Variants in PHLDB2 observed in about 807,000 individuals in gnomAD.
PHLDB2 encodes the protein pleckstrin homology like domain family B member 2, also known as pleckstrin homology-like domain family B member 2.
Under a neutral mutation model 123.6 loss-of-function variants are expected in PHLDB2, and 71 were observed. That is an observed-to-expected ratio of 0.57 (90% CI 0.47 to 0.70). The LOEUF is 0.70. Among genes scored for constraint, PHLDB2 ranks in the 30% least tolerant of loss-of-function variants. PHLDB2 has a pLI of 0.00. For missense variants in PHLDB2, 1,446 were observed against 1,519.5 expected, an observed-to-expected ratio of 0.95 and a Z score of 0.80; for synonymous variants, 547 against 541.6, an observed-to-expected ratio of 1.01 and a Z score of -0.14.
chr3:111,753,352 G>A (rs1228994071), intron 1 of PHLDB2, among the ~76,000 whole-genome samples: 1 of 150,688 alleles, frequency 6.6e-6, no homozygotes, highest in South Asian at 2.1e-4. Context: ...TAACTGGTGT[G>A]AGATGGTATC....
At chr3:111,912,986 C>T (rs952472533) in intron 2 of PHLDB2, among the ~76,000 whole-genome samples, 1 of 152,122 alleles carries the variant, frequency 6.6e-6, no homozygotes, top group African/African-American at 2.4e-5. Context: ...TCTCCCTAAC[C>T]CCACCCTTCA....
chr3:111,757,405 A>T (rs1216939560), intron 1 of PHLDB2, among the ~76,000 whole-genome samples: 1 of 151,134 alleles, frequency 6.6e-6, no homozygotes, highest in Non-Finnish European at 1.5e-5. Context: ...CATTTCATGA[A>T]TGGAGCTTTC....
At chr3:111,953,735 T>C in intron 11 of PHLDB2, 195 bp from the exon 12 acceptor site, 2 of 464,536 alleles carry the variant, frequency 4.3e-6, no homozygotes, top group East Asian at 3.5e-5. Flanking sequence ...TGCTTTGATA[T>C]TGCGACTACC....
chr3:111,825,101 G>C (rs1423970232), intron 1 of PHLDB2, among the ~76,000 whole-genome samples: 1 of 152,092 alleles, frequency 6.6e-6, no homozygotes, highest in Non-Finnish European at 1.5e-5. Context: ...CCATTTACAG[G>C]TAAGAAGACA....
intron 1 of PHLDB2, among the ~76,000 whole-genome samples, chr3:111,805,352 A>T (rs1168413323): frequency 6.6e-6 from 1 of 152,020 alleles, no homozygotes; most frequent in East Asian, 1.9e-4. Context: ...CGAGGTCAGG[A>T]GCTCGAGACC....
intron 3 of PHLDB2, chr3:111,915,098 C>T (rs1200964875): frequency 6.6e-6 from 1 of 152,082 alleles, no homozygotes. Context: ...GGTAGATTTA[C>T]TTATTTAGGA....
intron 1 of PHLDB2, among the ~76,000 whole-genome samples, chr3:111,792,516 G>A (rs578165156): frequency 1.3e-5 from 2 of 152,072 alleles, no homozygotes; most frequent in Admixed American, 1.3e-4. Context: ...GACCAGCCTG[G>A]GCAACATAAG....
chr3:111,798,292 C>T (rs535326759), intron 1 of PHLDB2, among the ~76,000 whole-genome samples: 1 of 152,080 alleles, frequency 6.6e-6, no homozygotes, highest in South Asian at 2.1e-4. Context: ...TGAGAGTGCT[C>T]TAATTTTTCA....
intron 2 of PHLDB2, among the ~76,000 whole-genome samples, chr3:111,898,182 T>TGTTTGTGTGTGTGTG (rs1553747095): frequency 1.8e-4 from 25 of 142,658 alleles, no homozygotes; most frequent in African/African-American, 5.9e-4. Flanking sequence ...GTGTGTGTGT[T>TGTTTGTGTGTGTGTG]TGTGTGTGTG....
At chr3:111,840,949 T>C (rs2063664793) in intron 1 of PHLDB2, among the ~76,000 whole-genome samples, 3 of 152,216 alleles carry the variant, frequency 2.0e-5, no homozygotes, top group Non-Finnish European at 2.9e-5. Flanking sequence ...AGCAGGCAGA[T>C]AGTCCCCAAT....
intron 1 of PHLDB2, among the ~76,000 whole-genome samples, chr3:111,878,932 T>A (rs2065797247): frequency 6.6e-6 from 1 of 152,224 alleles, no homozygotes; most frequent in Admixed American, 6.5e-5. Flanking sequence ...AGCTTTTTGA[T>A]GTGCTGCTGG....
intron 1 of PHLDB2, among the ~76,000 whole-genome samples, chr3:111,818,165 GGTGTGTGT>G (rs5851789): frequency 3.4e-5 from 5 of 147,598 alleles, no homozygotes; most frequent in African/African-American, 5.0e-5. Context: ...TTAAAAAACT[GGTGTGTGT>G]GTGTGTGTGT....
chr3:111,899,371 T>C (rs1009945704), intron 2 of PHLDB2, among the ~76,000 whole-genome samples: 1 of 152,186 alleles, frequency 6.6e-6, no homozygotes, highest in Non-Finnish European at 1.5e-5. Flanking sequence ...TATCAACCCA[T>C]CACCTAGGTA....
intron 1 of PHLDB2, among the ~76,000 whole-genome samples, chr3:111,877,059 AT>A (rs1449941561): frequency 6.6e-6 from 1 of 152,178 alleles, no homozygotes; most frequent in African/African-American, 2.4e-5. Flanking sequence ...TAGTAGAATG[AT>A]TTATAATCCT....
chr3:111,867,571 GTAAA>G (rs1408356271), intron 1 of PHLDB2, among the ~76,000 whole-genome samples: 1 of 151,760 alleles, frequency 6.6e-6, no homozygotes, highest in Non-Finnish European at 1.5e-5. Context: ...TATTTCATTC[GTAAA>G]TAATTTACAA....
chr3:111,790,120 G>A (rs1053426691), intron 1 of PHLDB2, among the ~76,000 whole-genome samples: 1 of 152,190 alleles, frequency 6.6e-6, no homozygotes, highest in African/African-American at 2.4e-5. Context: ...ACTAGGAAGT[G>A]GAGGCCTAGC....
Position 111,940,535 on chromosome 3 carries a change from G to A in PHLDB2, c.2287G>A (p.Glu763Lys), listed in dbSNP as rs1172554669. The A allele has an allele frequency of 6.3e-7, 1 of 1,584,452 alleles. No homozygotes were observed. The highest frequency in any genetic ancestry group is 1.4e-5 in the African/African-American group (1 of 73,818). ...CCTATGATCATCTCTTTTCCTCCAG[G>A]AAAAAATTTCTGCATTGAAAAAGCA... Reference protein sequence around the residue: ...EYQRNIVSRKEKISALKKQAN... With the variant: ...EYQRNIVSRKKKISALKKQAN... Residue 763 changes from glutamate (E) to lysine (K), a missense_variant and splice_region_variant, in exon 8 of 18, where the codon GAA becomes AAA. Physicochemically the swap from Glu to Lys is moderately conservative, Grantham distance 56. This residue lies in a region of PHLDB2 where 594 missense variants were observed against 646.0 expected (regional missense o/e 0.92). Coordinates refer to ENST00000431670, the MANE Select transcript of PHLDB2 (RefSeq NM_001134438.2).
chr3:111,805,795 A>G (rs4682316), intron 1 of PHLDB2, among the ~76,000 whole-genome samples: 144,764 of 144,948 alleles, frequency 1, 72,301 homozygotes, highest in Non-Finnish European at 1. Context: ...AAATTTTGGG[A>G]TGATGGAAAT....
chr3:111,923,512 A>G (rs946861802), intron 5 of PHLDB2, among the ~76,000 whole-genome samples: 3 of 152,178 alleles, frequency 2.0e-5, no homozygotes, highest in East Asian at 3.8e-4. Flanking sequence ...TCTAGTTCAT[A>G]ACCCTTTTTG....
Sources: allele counts gnomAD v4.1 joint callset (sites outside exome capture counted in the v4.1 genomes callset), GRCh38; gene constraint gnomAD v4.1.1; regional missense constraint gnomAD v4.1.1; transcripts MANE v1.5; gene names NCBI Gene and HGNC (gene_info 2026-07-23, HGNC 2026-07-21).